CCDC88C: variants seen among roughly 807,000 people sequenced by gnomAD.
CCDC88C encodes the protein protein Daple.
Under a neutral mutation model 198.8 loss-of-function variants are expected in CCDC88C, and 131 were observed. The observed-to-expected ratio is 0.66, with a 90% CI of 0.57 to 0.76. The LOEUF (loss-of-function observed/expected upper bound fraction) is 0.76. CCDC88C is among the 30% of genes least tolerant of loss of function. CCDC88C has a pLI of 0.00. For synonymous variants in CCDC88C, 1,166 were observed against 1,114.7 expected (o/e 1.05, Z -0.92); for missense variants, 2,553 against 2,631.6 (o/e 0.97, Z 0.65).
At chr14:91,377,790 C>A (rs1884531289) in intron 3 of CCDC88C, among the ~76,000 whole-genome samples, 1 of 152,194 alleles carries the variant, frequency 6.6e-6, no homozygotes, top group South Asian at 2.1e-4. Flanking sequence ...GTGTCAGGGA[C>A]CAGTCTCTGT....
rs549686902 is a variant in CCDC88C at position 91,404,409 on chromosome 14, G to A, written c.270+4250C>T. 8.7e-4 allele frequency among the ~76,000 whole-genome samples: 132 copies of A among 152,318 alleles called. 1 individual carries two copies. Among genetic ancestry groups the A allele is most frequent in the African/African-American group, 3.2e-3 (131 of 41,564 alleles). ...TTCTACCCAGGAGATTCAGCTCAACGTGACTCTTCTAGAAATCACCAGAAA... is the reference window on the plus strand; with the variant it reads ...TTCTACCCAGGAGATTCAGCTCAACATGACTCTTCTAGAAATCACCAGAAA... On this transcript the variant is annotated intron_variant, in intron 3 of 29. Transcript: ENST00000389857.
chr14:91,415,298 GT>G (rs1211225791), intron 2 of CCDC88C, among the ~76,000 whole-genome samples: 1 of 151,812 alleles, frequency 6.6e-6, no homozygotes, highest in African/African-American at 2.4e-5. Context: ...ACAGATTTAT[GT>G]TTTTCAATCT....
chr14:91,343,194 G>A (rs924898440), intron 5 of CCDC88C, among the ~76,000 whole-genome samples: 14 of 152,138 alleles, frequency 9.2e-5, no homozygotes, highest in East Asian at 1.9e-4. Flanking sequence ...GACCTCAAGC[G>A]ATCCTCCCCC....
At chr14:91,394,285 G>A (rs957390999) in intron 3 of CCDC88C, among the ~76,000 whole-genome samples, 5 of 152,234 alleles carry the variant, frequency 3.3e-5, no homozygotes, top group African/African-American at 1.2e-4. Flanking sequence ...AACAGTAGGG[G>A]AGCCCTAAGC....
chr14:91,346,928 CAT>C (rs1265278348), intron 4 of CCDC88C, among the ~76,000 whole-genome samples: 1 of 152,178 alleles, frequency 6.6e-6, no homozygotes, highest in Non-Finnish European at 1.5e-5. Flanking sequence ...GGAATGCCCA[CAT>C]GAGTGTTAAC....
In CCDC88C at chr14:91,278,036, C is replaced by A. The variant is rs891976004; in HGVS notation, c.4944G>T (p.Lys1648Asn). ...NGPLPQEGAQ[K>N]RGTAPPYVGV... ...CGACGTAGGGAGGGGCTGTGCCCCT[C>A]TTCTGGGCACCCTCCTGTGGGAGAG... The change falls in exon 29 of 30, where the codon AAG becomes AAT. Residue 1648 changes from lysine to asparagine, a missense_variant. Physicochemically the swap from Lys to Asn is moderately conservative, Grantham distance 94. Coordinates refer to ENST00000389857, the MANE Select transcript of CCDC88C (RefSeq NM_001080414.4). The A allele has an allele frequency of 3.1e-6, 5 of 1,606,334 alleles. No individual in the cohort carries two copies. Among genetic ancestry groups the A allele is most frequent in the Non-Finnish European group, 4.2e-6 (5 of 1,176,492 alleles).
chr14:91,400,191 AAGAAAGAGAAAC>A (rs1416467991), intron 3 of CCDC88C, among the ~76,000 whole-genome samples: 2 of 152,246 alleles, frequency 1.3e-5, no homozygotes, highest in African/African-American at 4.8e-5. Context: ...TGGAGAGGAC[AAGAAAGAGAAAC>A]AGAAAGAGGA....
intron 23 of CCDC88C, 21 bp downstream of exon 23, chr14:91,294,152 G>A: frequency 1.2e-6 from 2 of 1,613,272 alleles, no homozygotes; most frequent in Non-Finnish European, 1.7e-6. Context: ...GCGGAGAGGG[G>A]TTCAGGGACT....
At chr14:91,337,982 G>A in intron 10 of CCDC88C, 23 bp downstream of exon 10, 4 of 1,606,606 alleles carry the variant, frequency 2.5e-6, no homozygotes, top group African/African-American at 2.7e-5. Flanking sequence ...CCCATCCAGG[G>A]GCCTCACAGC....
At chr14:91,357,799 T>G (rs1460333881) in intron 4 of CCDC88C, among the ~76,000 whole-genome samples, 1 of 152,236 alleles carries the variant, frequency 6.6e-6, no homozygotes, top group East Asian at 1.9e-4. Context: ...GTGGCCAGCA[T>G]GGACTGCATC....
At chr14:91,373,806 G>A (rs957512757) in intron 3 of CCDC88C, among the ~76,000 whole-genome samples, 3 of 152,172 alleles carry the variant, frequency 2.0e-5, no homozygotes, top group Non-Finnish European at 4.4e-5. Context: ...AAGTTGGGGG[G>A]TGGGCAGGGG....
chr14:91,279,352 T>A lies in CCDC88C; in HGVS notation c.4700-46A>T, dbSNP rs531829211. 1.2e-5 allele frequency: 18 copies of A among 1,487,760 alleles called. No homozygotes were observed. The East Asian group carries it at 4.0e-4, about 33-fold the overall frequency. 92.2% of individuals were successfully genotyped at this position (1,487,760 alleles called of 1,614,324 possible). A position where few individuals can be genotyped will look rare whatever the true frequency, so the allele number is the denominator to read the frequency against. ...TAAAATTAAAAAGCCAATGACCAGG[T>A]ATATCCCAGATGAGCCATCTAAGAA... is the stretch of plus-strand genomic sequence containing the variant. On this transcript the variant is annotated intron_variant, in intron 27 of 29. Transcript: ENST00000389857.
intron 3 of CCDC88C, among the ~76,000 whole-genome samples, chr14:91,398,933 G>A (rs1020993651): frequency 6.6e-6 from 1 of 152,176 alleles, no homozygotes; most frequent in Non-Finnish European, 1.5e-5. Context: ...CTTGCTCCAG[G>A]TGGGCACTGA....
At position 91,309,975 on chromosome 14, in the gene CCDC88C, G is replaced by A. The variant is rs200384913; in HGVS notation, c.2748C>T (p.Leu916=). The A allele has an allele frequency of 6.3e-6, 10 of 1,598,176 alleles. No individual in the cohort carries two copies. The highest frequency in any genetic ancestry group is 1.1e-5 in the South Asian group (1 of 88,608). Residue 916 remains leucine, a synonymous_variant, in exon 16 of 30, where the codon CTC becomes CTT. Coordinates refer to ENST00000389857, the MANE Select transcript of CCDC88C (RefSeq NM_001080414.4). ...TGAGCTGCTGGCTCTTCAGCTTCTCGAGCACCAGGTCCTGGAATGATGGGG... is the reference window on the plus strand; with the variant it reads ...TGAGCTGCTGGCTCTTCAGCTTCTCAAGCACCAGGTCCTGGAATGATGGGG... ...TLTTLREDLV[L]EKLKSQQLSS...
intron 22 of CCDC88C, among the ~76,000 whole-genome samples, chr14:91,295,930 A>G (rs1890982670): frequency 6.6e-6 from 1 of 152,198 alleles, no homozygotes; most frequent in African/African-American, 2.4e-5. Context: ...AAATCTCGAC[A>G]CGTAGATACT....
At position 91,309,879 on chromosome 14, in the gene CCDC88C, C is replaced by G. The variant is rs781685011; in HGVS notation, c.2844G>C (p.Glu948Asp). The change falls in exon 16 of 30, where the codon GAG becomes GAC. Residue 948 changes from glutamate to aspartate, a missense_variant. This residue lies in a region of CCDC88C where 1,260 missense variants were observed against 1,412.0 expected (regional missense o/e 0.89). Transcript: ENST00000389857. ...CTCACGTGTCACTGCCGCTGTCGTC[C>G]TCCTGCAACAGCAGCTCCCTGTTGA... ...VGLNRELLLQ[E>D]DDSGSDTKYK... 5 of 1,611,236 alleles carry G rather than the reference C, an allele frequency of 3.1e-6. No homozygotes were observed.
intron 3 of CCDC88C, among the ~76,000 whole-genome samples, chr14:91,397,005 C>T (rs1324216835): frequency 6.7e-6 from 1 of 150,082 alleles, no homozygotes. Flanking sequence ...AAGACCCTGT[C>T]ACCAAAAAAA....
chr14:91,374,475 CAT>C (rs1474831410), intron 3 of CCDC88C, among the ~76,000 whole-genome samples: 1 of 152,202 alleles, frequency 6.6e-6, no homozygotes, highest in Non-Finnish European at 1.5e-5. Context: ...TGACAGAAAA[CAT>C]AGCTCTTACA....
intron 16 of CCDC88C, among the ~76,000 whole-genome samples, chr14:91,309,182 G>A (rs892485952): frequency 6.6e-6 from 1 of 152,134 alleles, no homozygotes; most frequent in African/African-American, 2.4e-5. Flanking sequence ...TCACTGAGCC[G>A]GGATCACACC....
Sources: gnomAD v4.1 joint callset for allele counts (sites outside exome capture counted in the v4.1 genomes callset) on GRCh38, gnomAD v4.1.1 for gene constraint, gnomAD v4.1.1 regional missense constraint, MANE v1.5 for transcripts, NCBI Gene and HGNC (gene_info 2026-07-23, HGNC 2026-07-21) for gene names.